TEX29: variants seen among roughly 807,000 people sequenced by gnomAD.
TEX29 encodes the protein testis-expressed protein 29.
In TEX29, 26 loss-of-function variants were observed where a neutral mutation model predicts 18.2. The ratio of observed to expected loss-of-function variants is 1.43; its 90% CI spans 1.04 to 1.98. The LOEUF is 1.98. TEX29 is among the 30% of genes most tolerant of loss of function. The probability of loss-of-function intolerance (pLI) is 0.00; values close to 1 mark genes in which losing one functional copy is unlikely to be tolerated. For synonymous variants in TEX29, 83 were observed against 78.5 expected (o/e 1.06, Z -0.31); for missense variants, 177 against 194.2 (o/e 0.91, Z 0.53).
At chr13:111,328,649 G>T (rs2244023) in intron 3 of TEX29, among the ~76,000 whole-genome samples, 3,687 of 152,318 alleles carry the variant, frequency 0.024, 163 homozygotes, top group African/African-American at 0.083. Context: ...TGGGGCGCCG[G>T]CAGGGCCCGG....
At chr13:111,338,972 G>A (rs1461068230) in intron 3 of TEX29, among the ~76,000 whole-genome samples, 3 of 152,196 alleles carry the variant, frequency 2.0e-5, no homozygotes, top group South Asian at 2.1e-4. Context: ...GGTGCTGGGC[G>A]GTGCTGCGCC....
At chr13:111,338,400 G>A (rs925968099) in intron 3 of TEX29, among the ~76,000 whole-genome samples, 5 of 152,130 alleles carry the variant, frequency 3.3e-5, no homozygotes, top group Admixed American at 6.5e-5. Flanking sequence ...ACCCTTCCCG[G>A]GAGCCTTTGA....
At chr13:111,330,147 A>G (rs952356515) in intron 3 of TEX29, among the ~76,000 whole-genome samples, 4 of 152,066 alleles carry the variant, frequency 2.6e-5, no homozygotes, top group African/African-American at 9.7e-5. Context: ...AAGTTTTAAA[A>G]CTCATTTTCA....
rs149367131 is a variant in TEX29 at position 111,341,777 on chromosome 13, G to A, written c.240-979G>A. On this transcript the variant is annotated intron_variant, in intron 4 of 5. Transcript: ENST00000283547. ...TGCTTGTTGATGAACATCATAACCC[G>A]TGTTTAGTGAGCACCTAAGACTCTT... 3.6e-3 allele frequency among the ~76,000 whole-genome samples: 545 copies of A among 152,160 alleles called. 4 individuals are homozygous for A. Among genetic ancestry groups the A allele is most frequent in the African/African-American group, 0.012 (509 of 41,482 alleles).
chr13:111,328,899 G>A (rs1275594624), intron 3 of TEX29, among the ~76,000 whole-genome samples: 1 of 152,244 alleles, frequency 6.6e-6, no homozygotes, highest in Non-Finnish European at 1.5e-5. Context: ...TCCCCGTGAA[G>A]GCTTCCGGAG....
rs767152584 is a variant in TEX29 at position 111,320,873 on chromosome 13, C to T, written c.-18C>T. The T allele has an allele frequency of 6.2e-6, 10 of 1,612,778 alleles. No individual in the cohort carries two copies. In the Admixed American group the frequency reaches 1.2e-4, roughly 19 times the overall value. On this transcript the variant is annotated 5_prime_UTR_variant, in exon 2 of 6. Coordinates refer to ENST00000283547, the MANE Select transcript of TEX29 (RefSeq NM_152324.3). The stretch of plus-strand genomic sequence containing the variant: ...GTTTTCCAGGTGTGCTCGGCCCCTT[C>T]ATCTGTCAGCTGCAGCAATGGAATA...
chr13:111,326,438 G>C (rs78383705), intron 2 of TEX29, among the ~76,000 whole-genome samples: 2,643 of 31,592 alleles, frequency 0.084, 16 homozygotes, highest in East Asian at 0.34. Context: ...CGTGAGCCTG[G>C]CGCTGGTGGG....
intron 3 of TEX29, among the ~76,000 whole-genome samples, chr13:111,337,887 C>T (rs2093691755): frequency 6.6e-6 from 1 of 152,180 alleles, no homozygotes; most frequent in Non-Finnish European, 1.5e-5. Context: ...ATCGAGCGCC[C>T]ATTGGGTACT....
In TEX29 at chr13:111,340,009, T is replaced by G. The variant is rs79149072; in HGVS notation, c.239+77T>G. 1,992 of 1,440,276 alleles carry G rather than the reference T, an allele frequency of 1.4e-3. 23 individuals are homozygous for G. The African/African-American group carries it at 0.023, about 17-fold the overall frequency. The allele number at this position is 1,440,276 out of a possible 1,614,324, so 89.2% of individuals were successfully genotyped here. A position where few individuals can be genotyped will look rare whatever the true frequency, so the allele number is the denominator to read the frequency against. Reference sequence around the variant, plus strand: ...TCCTGGCCGCAGCTTCCTGCCTGCCTGGGCTCCTTCGGGCTTGGTGCTGCT... The same window carrying G: ...TCCTGGCCGCAGCTTCCTGCCTGCCGGGGCTCCTTCGGGCTTGGTGCTGCT... On this transcript the variant is annotated intron_variant, in intron 4 of 5. Coordinates refer to ENST00000283547, the MANE Select transcript of TEX29 (RefSeq NM_152324.3).
chr13:111,333,705 G>A (rs528901808), intron 3 of TEX29, among the ~76,000 whole-genome samples: 34 of 152,312 alleles, frequency 2.2e-4, no homozygotes, highest in African/African-American at 7.7e-4. Context: ...TGGCTAGGGA[G>A]GCCTCAGGAA....
chr13:111,320,947 A>G lies in TEX29; in HGVS notation c.57A>G (p.Thr19=), dbSNP rs2093663207. 1 of 1,243,116 alleles carries G rather than the reference A, an allele frequency of 8.0e-7. No individual in the cohort carries two copies. The highest frequency in any genetic ancestry group is 1.1e-6 in the Non-Finnish European group (1 of 944,150). The allele number at this position is 1,243,116 out of a possible 1,614,324, so 77.0% of individuals were successfully genotyped here. The part of the protein sequence containing the change: ...NSPRHLLKQF[T]VCDVPLYDIC... ...CGCGGCACCTCCTGAAGCAATTCAC[A>G]GGTATGGAGGGAAGGCGCCAGGGGG... Residue 19 remains threonine (T), a splice_region_variant and synonymous_variant, in exon 2 of 6, where the codon ACA becomes ACG. Transcript: ENST00000283547.
intron 4 of TEX29, among the ~76,000 whole-genome samples, chr13:111,342,124 A>C (rs1022268573): frequency 6.6e-6 from 1 of 152,224 alleles, no homozygotes; most frequent in Non-Finnish European, 1.5e-5. Context: ...TTCCCAGGGC[A>C]GGGCTGGAAT....
chr13:111,339,445 A>T, intron 3 of TEX29: 2 of 430,350 alleles, frequency 4.6e-6, no homozygotes, highest in Non-Finnish European at 9.2e-6. Flanking sequence ...GAGGGTCAGG[A>T]GCCAGCGCCA....
chr13:111,316,931 G>T (rs1003781271), upstream of TEX29, among the ~76,000 whole-genome samples: 3 of 152,126 alleles, frequency 2.0e-5, no homozygotes, highest in African/African-American at 7.2e-5. Flanking sequence ...GAGAAGGTAA[G>T]GAAGTGCCAC....
At chr13:111,318,613 T>C (rs2093658531), upstream of TEX29, among the ~76,000 whole-genome samples, 1 of 137,116 alleles carries the variant, frequency 7.3e-6, no homozygotes, top group Non-Finnish European at 1.6e-5. Flanking sequence ...CACTGCAGGC[T>C]CATCTGTCTC....
At chr13:111,336,904 C>T (rs988560622) in intron 3 of TEX29, among the ~76,000 whole-genome samples, 5 of 152,142 alleles carry the variant, frequency 3.3e-5, no homozygotes, top group Non-Finnish European at 5.9e-5. Flanking sequence ...TAGGAAGATA[C>T]GGGAGATGTA....
At chr13:111,342,215 C>T (rs984516433) in intron 4 of TEX29, among the ~76,000 whole-genome samples, 10 of 152,226 alleles carry the variant, frequency 6.6e-5, no homozygotes, top group African/African-American at 2.2e-4. Flanking sequence ...ATTTGAGTCT[C>T]TTTGTCCAGG....
chr13:111,319,550 GC>G (rs2093660340), upstream of TEX29, among the ~76,000 whole-genome samples: 2 of 152,130 alleles, frequency 1.3e-5, no homozygotes, highest in South Asian at 4.2e-4. Context: ...CCAGCCTCCA[GC>G]CCCCCAGCAG....
chr13:111,320,995 T>TGGGGGGGGGCACCAGTG, intron 2 of TEX29, 47 bp downstream of exon 2: 1 of 320,862 alleles, frequency 3.1e-6, no homozygotes, highest in Non-Finnish European at 5.8e-6. Flanking sequence ...GGGGAGCAGT[T>TGGGGGGGGGCACCAGTG]GGGGGGGGGC....
Sources: gnomAD v4.1 joint callset for allele counts (sites outside exome capture counted in the v4.1 genomes callset) on GRCh38, gnomAD v4.1.1 for gene constraint, MANE v1.5 for transcripts, NCBI Gene and HGNC (gene_info 2026-07-23, HGNC 2026-07-21) for gene names.